Variants in FOXK2 observed in about 807,000 individuals in gnomAD.
FOXK2 encodes forkhead box protein K2.
Under a neutral mutation model 53.3 loss-of-function variants are expected in FOXK2, and 24 were observed. The observed-to-expected ratio is 0.45, with a 90% CI of 0.33 to 0.63. FOXK2 has a LOEUF of 0.63. Ranked by LOEUF, FOXK2 falls within the 30% of genes least tolerant of loss-of-function variation. The probability of loss-of-function intolerance (pLI) is 0.03; values close to 1 mark genes in which losing one functional copy is unlikely to be tolerated. For synonymous variants in FOXK2, 505 were observed against 407.1 expected, an observed-to-expected ratio of 1.24 and a Z score of -2.89; for missense variants, 952 against 910.5, an observed-to-expected ratio of 1.05 and a Z score of -0.59.
At position 82,603,404 on chromosome 17, in the gene FOXK2, G is replaced by T. The variant is rs1216723759; in HGVS notation, c.*1905G>T. On this transcript the variant is annotated 3_prime_UTR_variant, in exon 9 of 9. Coordinates refer to ENST00000335255, the MANE Select transcript of FOXK2 (RefSeq NM_004514.4). Reference sequence around the variant, plus strand: ...CTCCACAGAGGGCTCCAGCTCTGTTGGTCACAGCTGATGGGGTTCTCTGAT... The same window carrying T: ...CTCCACAGAGGGCTCCAGCTCTGTTTGTCACAGCTGATGGGGTTCTCTGAT... The T allele has an allele frequency of 6.6e-6, 1 of 152,242 alleles. No individual in the cohort carries two copies. The highest frequency in any genetic ancestry group is 1.5e-5 in the Non-Finnish European group (1 of 68,052). 9.4% of individuals were successfully genotyped at this position (152,242 alleles called of 1,614,324 possible).
At chr17:82,528,798 G>T (rs993142045) in intron 1 of FOXK2, among the ~76,000 whole-genome samples, 7 of 152,212 alleles carry the variant, frequency 4.6e-5, no homozygotes, top group African/African-American at 9.7e-5. Flanking sequence ...TGAGAATTCC[G>T]TAGATTTCTA....
intron 1 of FOXK2, among the ~76,000 whole-genome samples, chr17:82,524,431 A>C (rs1287791382): frequency 6.6e-6 from 1 of 152,214 alleles, no homozygotes; most frequent in African/African-American, 2.4e-5. Context: ...TGAAATAATA[A>C]TGTATTAATG....
chr17:82,548,462 T>G (rs1442082906), intron 1 of FOXK2, among the ~76,000 whole-genome samples: 2 of 152,220 alleles, frequency 1.3e-5, no homozygotes, highest in Non-Finnish European at 2.9e-5. Flanking sequence ...CTGTAGTGAA[T>G]GACCATTTTT....
intron 3 of FOXK2, among the ~76,000 whole-genome samples, chr17:82,571,291 C>G (rs906827436): frequency 6.6e-6 from 1 of 152,106 alleles, no homozygotes; most frequent in East Asian, 1.9e-4. Context: ...AATTGTATTA[C>G]TTTCATAGTA....
chr17:82,551,761 G>T (rs2044679139), intron 1 of FOXK2, among the ~76,000 whole-genome samples: 1 of 152,232 alleles, frequency 6.6e-6, no homozygotes, highest in Non-Finnish European at 1.5e-5. Context: ...CAAAGTGTGG[G>T]CTATTTAGGG....
chr17:82,544,199 C>T (rs560108549), intron 1 of FOXK2, among the ~76,000 whole-genome samples: 1 of 152,304 alleles, frequency 6.6e-6, no homozygotes, highest in Non-Finnish European at 1.5e-5. Context: ...AGGCGTGAGC[C>T]ACTGCGCCCG....
In FOXK2 at chr17:82,587,103, C is replaced by T. The variant is rs745635003; in HGVS notation, c.1617C>T (p.Leu539=). The part of the protein sequence containing the change: ...EPIPAIGHAT[L]GTASRIIQTA... Reference sequence around the variant, plus strand: ...TTCCCGCCATTGGCCACGCCACGCTCGGCACTGCCAGCCGGATCATTCAGA... The same window carrying T: ...TTCCCGCCATTGGCCACGCCACGCTTGGCACTGCCAGCCGGATCATTCAGA... The change falls in exon 8 of 9, where the codon CTC becomes CTT. Residue 539 remains leucine, a synonymous_variant. Coordinates refer to ENST00000335255, the MANE Select transcript of FOXK2 (RefSeq NM_004514.4). 28 of 1,612,906 alleles carry T rather than the reference C, an allele frequency of 1.7e-5. No homozygotes were observed. Among genetic ancestry groups the T allele is most frequent in the Admixed American group, 1.2e-4 (7 of 59,998 alleles).
chr17:82,587,237 C>T lies in FOXK2; in HGVS notation c.1751C>T (p.Ser584Leu). Residue 584 changes from serine to leucine, a missense_variant, in exon 8 of 9, where the codon TCA becomes TTA. Coordinates refer to ENST00000335255, the MANE Select transcript of FOXK2 (RefSeq NM_004514.4). Reference sequence around the variant, plus strand: ...ACACAAAACGGCACTCACGTGGCATCAGTCCCCACTGCGGTCCACGGCCAG... The same window carrying T: ...ACACAAAACGGCACTCACGTGGCATTAGTCCCCACTGCGGTCCACGGCCAG... Reference protein sequence around the residue: ...TVTQNGTHVASVPTAVHGQVN... With the variant: ...TVTQNGTHVALVPTAVHGQVN... 1 of 1,613,100 alleles carries T rather than the reference C, an allele frequency of 6.2e-7. No individual in the cohort carries two copies. Among genetic ancestry groups the T allele is most frequent in the South Asian group, 1.1e-5 (1 of 91,080 alleles).
chr17:82,524,417 T>C (rs150221953), intron 1 of FOXK2, among the ~76,000 whole-genome samples: 4 of 152,346 alleles, frequency 2.6e-5, no homozygotes, highest in African/African-American at 9.6e-5. Flanking sequence ...TTGGCTCATT[T>C]CATTGAAATA....
Position 82,520,087 on chromosome 17 carries a change from G to A in FOXK2, c.199G>A (p.Val67Met). ...GRNSSQGSVD[V>M]SMGHSSFISR... ...CAACTCGTCGCAGGGCTCGGTGGAC[G>A]TGAGCATGGGCCACTCGAGCTTCAT... Residue 67 changes from valine to methionine, a missense_variant, in exon 1 of 9, where the codon GTG (valine) becomes ATG (methionine). Around this residue, in one of 5 missense-constraint regions of FOXK2, gnomAD observed 163 missense variants for 165.5 expected, o/e 0.98. Transcript: ENST00000335255. The A allele has an allele frequency of 6.5e-7, 1 of 1,545,522 alleles. No individual in the cohort carries two copies. Among genetic ancestry groups the A allele is most frequent in the Non-Finnish European group, 8.7e-7 (1 of 1,148,142 alleles).
At chr17:82,540,012 G>A (rs942855985) in intron 1 of FOXK2, among the ~76,000 whole-genome samples, 6 of 151,868 alleles carry the variant, frequency 4.0e-5, no homozygotes, top group African/African-American at 1.5e-4. Flanking sequence ...TGGACGCGGT[G>A]GCTCACGCCT....
chr17:82,580,295 T>C (rs1319720180), intron 4 of FOXK2, among the ~76,000 whole-genome samples: 1 of 120,198 alleles, frequency 8.3e-6, no homozygotes. Flanking sequence ...CCAGCCCTCC[T>C]CTCCATGTCA....
intron 5 of FOXK2, among the ~76,000 whole-genome samples, chr17:82,583,534 C>T (rs181654622): frequency 3.3e-5 from 5 of 152,332 alleles, no homozygotes; most frequent in African/African-American, 9.6e-5. Context: ...GGCAAAACAG[C>T]GAAACTCCGT....
At chr17:82,561,003 A>G in intron 1 of FOXK2, among the ~76,000 whole-genome samples, 1 of 152,118 alleles carries the variant, frequency 6.6e-6, no homozygotes, top group African/African-American at 2.4e-5. Flanking sequence ...CTCCCTCCCC[A>G]GCCTCCCAAA....
chr17:82,577,137 G>T, intron 4 of FOXK2: 1 of 665,876 alleles, frequency 1.5e-6, no homozygotes, highest in Admixed American at 2.3e-5. Flanking sequence ...ACTCCAGCCT[G>T]GGCAACAAGA....
At chr17:82,558,139 C>G (rs1348176719) in intron 1 of FOXK2, among the ~76,000 whole-genome samples, 1 of 152,004 alleles carries the variant, frequency 6.6e-6, no homozygotes, top group Admixed American at 6.6e-5. Context: ...TTGTGACCAG[C>G]CTGGGTGACA....
At chr17:82,600,958 C>T in intron 8 of FOXK2, 1 of 205,716 alleles carries the variant, frequency 4.9e-6, no homozygotes, top group South Asian at 1.0e-4. Flanking sequence ...CTGGACTCAG[C>T]CTTTCTCCCC....
chr17:82,560,519 G>T (rs1467571494), intron 1 of FOXK2, among the ~76,000 whole-genome samples: 1 of 152,216 alleles, frequency 6.6e-6, no homozygotes, highest in Admixed American at 6.5e-5. Flanking sequence ...TGGCGCTGTG[G>T]TGCAGCTGGA....
At chr17:82,530,089 C>G (rs998612516) in intron 1 of FOXK2, among the ~76,000 whole-genome samples, 1 of 152,170 alleles carries the variant, frequency 6.6e-6, no homozygotes, top group East Asian at 1.9e-4. Flanking sequence ...CACAGCCACG[C>G]TGGGAAAGAT....
Sources: gnomAD v4.1 joint callset for allele counts (sites outside exome capture counted in the v4.1 genomes callset) on GRCh38, gnomAD v4.1.1 for gene constraint, gnomAD v4.1.1 regional missense constraint, MANE v1.5 for transcripts, NCBI Gene and HGNC (gene_info 2026-07-23, HGNC 2026-07-21) for gene names.